INTS10: variants seen among roughly 807,000 people sequenced by gnomAD.
INTS10 encodes integrator complex subunit 10, also known as chromosome 8 open reading frame 35.
INTS10 carries 44 observed loss-of-function variants against 94.4 expected under a neutral mutation model. The ratio of observed to expected loss-of-function variants is 0.47; its 90% CI spans 0.37 to 0.60. The LOEUF is 0.60. Ranked by LOEUF, INTS10 falls within the 20% of genes least tolerant of loss-of-function variation. INTS10 has a pLI of 0.00. For missense variants in INTS10, 797 were observed against 868.7 expected (o/e 0.92, Z 1.04); for synonymous variants, 341 against 320.7 (o/e 1.06, Z -0.68).
intron 11 of INTS10, 81 bp from the exon 12 acceptor site, chr8:19,833,088 G>C (rs372545589): frequency 3.9e-6 from 5 of 1,275,868 alleles, no homozygotes; most frequent in East Asian, 5.4e-5. Context: ...TCGTTGCTTC[G>C]TGAACCCTGG....
chr8:19,819,875 C>T (rs2066232729), intron 3 of INTS10, among the ~76,000 whole-genome samples, 199 bp downstream of exon 3: 1 of 152,186 alleles, frequency 6.6e-6, no homozygotes, highest in African/African-American at 2.4e-5. Context: ...ATGGATTTAT[C>T]AGTGAGACGA....
At chr8:19,836,938 T>C in intron 12 of INTS10, 114 bp from the exon 13 acceptor site, 1 of 687,574 alleles carries the variant, frequency 1.5e-6, no homozygotes, top group South Asian at 1.7e-5. Flanking sequence ...GAGGTAGAAA[T>C]ACAGACTTCC....
rs757069892 is a variant in INTS10 at position 19,851,749 on chromosome 8, G to A, written c.2077G>A (p.Val693Ile). ...CCGCTGTGGAGAGAATCTGATGGTG[G>A]TTCTGCACAGGTTCTGCATTAATGA... ...VSRCGENLMV[V>I]LHRFCINEKI... Residue 693 changes from valine (V) to isoleucine (I), a missense_variant, in exon 17 of 17, where the codon GTT (valine) becomes ATT (isoleucine). Coordinates refer to ENST00000397977, the MANE Select transcript of INTS10 (RefSeq NM_018142.4). The surrounding 1 kb of genome is among the most constrained non-coding windows in gnomAD (Gnocchi z 5.0). 1.9e-6 allele frequency: 3 copies of A among 1,614,108 alleles called. No homozygotes were observed. Among genetic ancestry groups the A allele is most frequent in the Admixed American group, 3.3e-5 (2 of 60,026 alleles).
In INTS10 at chr8:19,851,356, C is replaced by G. The variant is rs1451332531; in HGVS notation, c.1977-293C>G. On this transcript the variant is annotated intron_variant, in intron 16 of 16. Transcript: ENST00000397977. The surrounding 1 kb of genome is among the most constrained non-coding windows in gnomAD (Gnocchi z 5.0). ...TGTGTACCAGTCAGCAGTAGGGATG[C>G]ATAACACCAGAGCTTCATTGATTCA... 6.6e-6 allele frequency among the ~76,000 whole-genome samples: 1 copy of G among 152,152 alleles called. No individual in the cohort carries two copies. The highest frequency in any genetic ancestry group is 1.5e-5 in the Non-Finnish European group (1 of 68,042).
chr8:19,830,331 G>A, intron 9 of INTS10, 75 bp from the exon 10 acceptor site: 1 of 1,308,916 alleles, frequency 7.6e-7, no homozygotes, highest in Non-Finnish European at 1.0e-6. Context: ...GGGCCAAACT[G>A]GCAGCAATAA....
chr8:19,849,215 A>T lies in INTS10; in HGVS notation c.1977-2434A>T. 7.8e-7 allele frequency: 1 copy of T among 1,289,604 alleles called. No homozygotes were observed. The highest frequency in any genetic ancestry group is 1.0e-6 in the Non-Finnish European group (1 of 988,714). The allele number at this position is 1,289,604 out of a possible 1,614,324, so 79.9% of individuals were successfully genotyped here. A position where few individuals can be genotyped will look rare whatever the true frequency, so the allele number is the denominator to read the frequency against. ...CAGCAGGAATTCTTACCTGTGCTTCAGCCCAGCATACAGACTGCTGACAGG... is the reference window on the plus strand; with the variant it reads ...CAGCAGGAATTCTTACCTGTGCTTCTGCCCAGCATACAGACTGCTGACAGG... On this transcript the variant is annotated intron_variant, in intron 16 of 16. Transcript: ENST00000397977. The surrounding 1 kb of genome is among the most constrained non-coding windows in gnomAD (Gnocchi z 4.6).
At chr8:19,825,357 C>T (rs575446582) in intron 8 of INTS10, among the ~76,000 whole-genome samples, 1 of 152,172 alleles carries the variant, frequency 6.6e-6, no homozygotes, top group African/African-American at 2.4e-5. Context: ...AAAACCCCAT[C>T]TCTACTAAAA....
At chr8:19,844,637 A>G (rs58947684) in intron 15 of INTS10, among the ~76,000 whole-genome samples, 5,094 of 152,256 alleles carry the variant, frequency 0.033, 297 homozygotes, top group African/African-American at 0.12. Flanking sequence ...TGTGCCCTGC[A>G]ATCACTTGTT....
intron 8 of INTS10, among the ~76,000 whole-genome samples, chr8:19,825,823 T>A (rs1203644153): frequency 6.6e-6 from 1 of 152,168 alleles, no homozygotes; most frequent in Non-Finnish European, 1.5e-5. Context: ...TATGGTACTT[T>A]AATGACTCAT....
At chr8:19,821,972 T>C (rs560433069) in intron 4 of INTS10, 2 of 152,924 alleles carry the variant, frequency 1.3e-5, no homozygotes, top group South Asian at 4.1e-4. Flanking sequence ...ACTCTGACTT[T>C]TCTGTCCATT....
At position 19,845,696 on chromosome 8, in the gene INTS10, G is replaced by A. The variant is rs776594940; in HGVS notation, c.1883-8G>A. 11 of 1,604,828 alleles carry A rather than the reference G, an allele frequency of 6.9e-6. No homozygotes were observed. Among genetic ancestry groups the A allele is most frequent in the South Asian group, 6.6e-5 (6 of 90,904 alleles). On this transcript the variant is annotated splice_region_variant and splice_polypyrimidine_tract_variant and intron_variant, in intron 15 of 16. Transcript: ENST00000397977. ...TTTACATGTGGTTAACCTGAATCTG[G>A]CCTGCAGATATTGATATGCTGGAGG...
intron 9 of INTS10, among the ~76,000 whole-genome samples, chr8:19,827,347 C>A (rs1002074013): frequency 4.6e-5 from 7 of 152,202 alleles, no homozygotes; most frequent in African/African-American, 1.7e-4. Context: ...CCTGAACACC[C>A]ATCTGAAGTA....
At position 19,830,451 on chromosome 8, in the gene INTS10, A is replaced by G; in HGVS notation, c.1186A>G (p.Ile396Val). 1 of 1,614,130 alleles carries G rather than the reference A, an allele frequency of 6.2e-7. No homozygotes were observed. Among genetic ancestry groups the G allele is most frequent in the Non-Finnish European group, 8.5e-7 (1 of 1,179,962 alleles). The change falls in exon 10 of 17, where the codon ATT becomes GTT. Residue 396 changes from isoleucine to valine, a missense_variant. Around this residue, in one of 3 missense-constraint regions of INTS10, gnomAD observed 734 missense variants for 787.8 expected, o/e 0.93. Transcript: ENST00000397977. ...TTCGGCGAAAGGAAGAAATCGTCACATTGTAGTCAATAAAGCCGAACTTGC... is the reference window on the plus strand; with the variant it reads ...TTCGGCGAAAGGAAGAAATCGTCACGTTGTAGTCAATAAAGCCGAACTTGC... ...DCSAKGRNRH[I>V]VVNKAELANS...
intron 6 of INTS10, 128 bp downstream of exon 6, chr8:19,823,569 T>C: frequency 2.8e-6 from 2 of 712,174 alleles, no homozygotes; most frequent in South Asian, 1.8e-5. Context: ...CAAAAGATGG[T>C]ATCTAGAAAA....
intron 16 of INTS10, among the ~76,000 whole-genome samples, chr8:19,850,889 C>T (rs897314337): frequency 2.0e-5 from 3 of 152,090 alleles, no homozygotes; most frequent in African/African-American, 7.2e-5. Flanking sequence ...ACATTTTTCC[C>T]TGTGTCCCCA....
At position 19,824,009 on chromosome 8, in the gene INTS10, A is replaced by G. The variant is rs746402304; in HGVS notation, c.801A>G (p.Gly267=). The G allele has an allele frequency of 2.5e-6, 4 of 1,612,522 alleles. No homozygotes were observed. The highest frequency in any genetic ancestry group is 3.4e-6 in the Non-Finnish European group (4 of 1,179,560). ...ERLFKILNVV[G]MRCEWQMDKG... Reference sequence around the variant, plus strand: ...TGTTTAAGATTTTGAATGTTGTTGGAATGAGATGTGAATGGCAGATGGATA... The same window carrying G: ...TGTTTAAGATTTTGAATGTTGTTGGGATGAGATGTGAATGGCAGATGGATA... The change falls in exon 7 of 17, where the codon GGA becomes GGG. Residue 267 remains glycine (G), a synonymous_variant. Coordinates refer to ENST00000397977, the MANE Select transcript of INTS10 (RefSeq NM_018142.4).
At chr8:19,840,405 C>T (rs1028300790) in intron 13 of INTS10, among the ~76,000 whole-genome samples, 35 of 152,054 alleles carry the variant, frequency 2.3e-4, no homozygotes, top group Non-Finnish European at 4.1e-4. Context: ...GCAGACTTTA[C>T]GGTTTTTGGT....
chr8:19,836,567 A>G (rs1386805209), intron 12 of INTS10, among the ~76,000 whole-genome samples: 1 of 152,114 alleles, frequency 6.6e-6, no homozygotes, highest in African/African-American at 2.4e-5. Context: ...CCTCTCTTTA[A>G]GGCTTAGGTC....
intron 16 of INTS10, among the ~76,000 whole-genome samples, chr8:19,848,561 C>A (rs779175683): frequency 7.2e-5 from 11 of 152,178 alleles, no homozygotes; most frequent in Admixed American, 2.0e-4. Flanking sequence ...TACACTAAAT[C>A]TTTGTTGTTA....
Sources: gnomAD v4.1 joint callset for allele counts (sites outside exome capture counted in the v4.1 genomes callset) on GRCh38, gnomAD v4.1.1 for gene constraint, gnomAD v4.1.1 regional missense constraint, Gnocchi (gnomAD v3.1) non-coding constraint, MANE v1.5 for transcripts, NCBI Gene and HGNC (gene_info 2026-07-23, HGNC 2026-07-21) for gene names.